RPTOR: variants seen among roughly 807,000 people sequenced by gnomAD.
RPTOR encodes regulatory-associated protein of mTOR.
In RPTOR, 21 loss-of-function variants were observed where a neutral mutation model predicts 169.9. The ratio of observed to expected loss-of-function variants is 0.12; its 90% CI spans 0.09 to 0.18. The LOEUF is 0.18. Among genes scored for constraint, RPTOR ranks in the 10% least tolerant of loss-of-function variants. The pLI, the probability that RPTOR is intolerant of heterozygous loss-of-function variation, is 1.00. For synonymous variants in RPTOR, 732 were observed against 753.2 expected (o/e 0.97, Z 0.46); for missense variants, 1,133 against 1,855.9 (o/e 0.61, Z 7.16).
At chr17:80,558,116 G>T (rs566180897) in intron 1 of RPTOR, among the ~76,000 whole-genome samples, 1 of 151,406 alleles carries the variant, frequency 6.6e-6, no homozygotes, top group African/African-American at 2.4e-5. Context: ...ACTGGGCAAT[G>T]TGGTGAAACT....
chr17:80,684,599 C>A (rs1336032691), intron 3 of RPTOR, among the ~76,000 whole-genome samples: 2 of 152,008 alleles, frequency 1.3e-5, no homozygotes, highest in African/African-American at 2.4e-5. Context: ...CGCCCACCAC[C>A]ACACCCGGCT....
intron 7 of RPTOR, 92 bp from the exon 8 acceptor site, chr17:80,822,109 C>T (rs933234454): frequency 1.7e-6 from 2 of 1,175,544 alleles, no homozygotes; most frequent in South Asian, 1.2e-5. Context: ...CAGAGCCTTT[C>T]GCCGCCCGCG....
At chr17:80,862,296 C>T (rs1184327349) in intron 13 of RPTOR, among the ~76,000 whole-genome samples, 1 of 152,080 alleles carries the variant, frequency 6.6e-6, no homozygotes, top group East Asian at 1.9e-4. Flanking sequence ...GAAGTGTTTC[C>T]GGTAGAAACT....
chr17:80,739,378 G>A (rs1003791098), intron 5 of RPTOR, among the ~76,000 whole-genome samples: 9 of 152,310 alleles, frequency 5.9e-5, no homozygotes, highest in South Asian at 2.1e-4. Context: ...GTCCGTCTGC[G>A]CAGAAGGCAA....
intron 3 of RPTOR, among the ~76,000 whole-genome samples, chr17:80,666,112 G>A (rs2065777198): frequency 1.3e-5 from 2 of 152,026 alleles, no homozygotes; most frequent in African/African-American, 4.8e-5. Context: ...CTTTCAATAT[G>A]AAATAGTAAA....
At chr17:80,781,892 C>T (rs2066945691) in intron 6 of RPTOR, among the ~76,000 whole-genome samples, 1 of 152,222 alleles carries the variant, frequency 6.6e-6, no homozygotes, top group Non-Finnish European at 1.5e-5. Context: ...CAGTTTAGAC[C>T]TCCTTCTAGC....
At position 80,754,428 on chromosome 17, in the gene RPTOR, A is replaced by G. The variant is rs2066659982; in HGVS notation, c.830+243A>G. Among the ~76,000 whole-genome samples, 6 of 152,264 alleles carry G rather than the reference A, an allele frequency of 3.9e-5. No homozygotes were observed. In the South Asian group the frequency reaches 1.2e-3, roughly 32 times the overall value. On this transcript the variant is annotated intron_variant, in intron 6 of 33. Transcript: ENST00000306801. This position sits in a 1 kb window ranked among gnomAD's most constrained non-coding sequence, Gnocchi z 4.2. ...GGCAGCTCACTGCTTTGCGATTTCCAAGAACACCCTCTCCTTACCTTTGTT... is the reference window on the plus strand; with the variant it reads ...GGCAGCTCACTGCTTTGCGATTTCCGAGAACACCCTCTCCTTACCTTTGTT...
At chr17:80,875,882 G>A (rs1408002762) in intron 13 of RPTOR, among the ~76,000 whole-genome samples, 2 of 124,100 alleles carry the variant, frequency 1.6e-5, no homozygotes, top group East Asian at 2.5e-4. Context: ...CCCGTGCCAC[G>A]CAGGGTGTGT....
At chr17:80,731,994 T>C (rs2066396940) in intron 5 of RPTOR, among the ~76,000 whole-genome samples, 1 of 152,166 alleles carries the variant, frequency 6.6e-6, no homozygotes, top group African/African-American at 2.4e-5. Context: ...GTTTGTTTTG[T>C]TTTCTATGAT....
At position 80,739,044 on chromosome 17, in the gene RPTOR, G is replaced by A. The variant is rs373298834; in HGVS notation, c.654+8338G>A. Among the ~76,000 whole-genome samples the A allele has an allele frequency of 6.1e-3, 856 of 139,204 alleles. 5 individuals are homozygous for A. The highest frequency in any genetic ancestry group is 9.5e-3 in the Non-Finnish European group (610 of 64,246). 91.3% of individuals were successfully genotyped at this position (139,204 alleles called of 152,430 possible). A position where few individuals can be genotyped will look rare whatever the true frequency, so the allele number is the denominator to read the frequency against. On this transcript the variant is annotated intron_variant, in intron 5 of 33. Transcript: ENST00000306801. ...ATTGTCTGAAATTGCTTGATATTCTGGACCACAGATGATGGCCAGCACCAT... is the reference window on the plus strand; with the variant it reads ...ATTGTCTGAAATTGCTTGATATTCTAGACCACAGATGATGGCCAGCACCAT...
At chr17:80,744,479 T>G (rs796762070) in intron 5 of RPTOR, among the ~76,000 whole-genome samples, 75 of 77,408 alleles carry the variant, frequency 9.7e-4, no homozygotes, top group Middle Eastern at 7.2e-3. Flanking sequence ...CCCTGGTTAC[T>G]AGCACAGCCC....
chr17:80,883,710 C>G (rs962598819), intron 15 of RPTOR, 71 bp from the exon 16 acceptor site: 1 of 1,523,844 alleles, frequency 6.6e-7, no homozygotes, highest in Non-Finnish European at 9.1e-7. Context: ...ACCGTTGTCC[C>G]GTGCAGGTAC....
chr17:80,708,204 A>G lies in RPTOR; in HGVS notation c.507+205A>G, dbSNP rs1250261963. 6.6e-6 allele frequency among the ~76,000 whole-genome samples: 1 copy of G among 152,180 alleles called. No homozygotes were observed. Among genetic ancestry groups the G allele is most frequent in the African/African-American group, 2.4e-5 (1 of 41,434 alleles). ...TGTGGCAGAACGTGTTCATGGAATG[A>G]CTGCCTTGAAGTGTGGTGCGTGTGG... On this transcript the variant is annotated intron_variant, in intron 4 of 33. Transcript: ENST00000306801. This position sits in a 1 kb window ranked among gnomAD's most constrained non-coding sequence, Gnocchi z 4.2.
chr17:80,717,231 GT>G (rs1424778468), intron 4 of RPTOR, among the ~76,000 whole-genome samples: 1 of 152,088 alleles, frequency 6.6e-6, no homozygotes. Flanking sequence ...GGTGTGGTCT[GT>G]TTTTCTCCAC....
intron 7 of RPTOR, among the ~76,000 whole-genome samples, chr17:80,791,988 T>C (rs1445777048): frequency 6.6e-6 from 1 of 152,126 alleles, no homozygotes; most frequent in East Asian, 1.9e-4. Flanking sequence ...AGTGACGGGA[T>C]TTAGTCAGGC....
At chr17:80,593,691 T>C (rs1345758103) in intron 1 of RPTOR, 1 of 152,276 alleles carries the variant, frequency 6.6e-6, no homozygotes, top group Non-Finnish European at 1.5e-5. Context: ...GTGACTTCTA[T>C]TCCTGAGCCA....
At chr17:80,855,658 G>T (rs990943959) in intron 12 of RPTOR, 111 bp downstream of exon 12, 2 of 819,842 alleles carry the variant, frequency 2.4e-6, no homozygotes, top group Non-Finnish European at 2.1e-6. Context: ...CCAGCCGTGA[G>T]ACCCAGGGCG....
At chr17:80,923,786 C>T (rs766638189) in intron 23 of RPTOR, 113 bp downstream of exon 23, 5 of 1,240,646 alleles carry the variant, frequency 4.0e-6, no homozygotes, top group Non-Finnish European at 5.5e-6. Flanking sequence ...GGGCAGGACC[C>T]ACCCTGCCGT....
At chr17:80,769,481 C>T (rs2066820223) in intron 6 of RPTOR, among the ~76,000 whole-genome samples, 1 of 152,138 alleles carries the variant, frequency 6.6e-6, no homozygotes, top group South Asian at 2.1e-4. Context: ...CTTCTGAGTT[C>T]CCATCCTGTC....
Sources: gnomAD v4.1 joint callset for allele counts (sites outside exome capture counted in the v4.1 genomes callset) on GRCh38, gnomAD v4.1.1 for gene constraint, Gnocchi (gnomAD v3.1) non-coding constraint, MANE v1.5 for transcripts, NCBI Gene and HGNC (gene_info 2026-07-23, HGNC 2026-07-21) for gene names.